The following LINGO2 variants were observed in gnomAD, a reference collection of about 807,000 sequenced individuals.
The protein encoded by LINGO2 is leucine rich repeat and Ig domain containing 2.
Under a neutral mutation model 30.6 loss-of-function variants are expected in LINGO2, and 14 were observed. The observed-to-expected ratio is 0.46, with a 90% CI of 0.30 to 0.72. The LOEUF (loss-of-function observed/expected upper bound fraction) is 0.72. LINGO2 is among the 30% of genes least tolerant of loss of function. The pLI is 0.07. For missense variants in LINGO2, 729 were observed against 751.7 expected, an observed-to-expected ratio of 0.97 and a Z score of 0.35; for synonymous variants, 317 against 288.5, an observed-to-expected ratio of 1.10 and a Z score of -1.00.
intron 5 of LINGO2, among the ~76,000 whole-genome samples, chr9:27,993,697 G>A (rs983471397): frequency 6.6e-6 from 1 of 152,040 alleles, no homozygotes; most frequent in African/African-American, 2.4e-5. Context: ...CTAAATATTT[G>A]TGTGCTAGTC....
At chr9:28,554,315 C>T (rs1428906780) in intron 1 of LINGO2, among the ~76,000 whole-genome samples, 2 of 148,824 alleles carry the variant, frequency 1.3e-5, no homozygotes, top group Non-Finnish European at 3.0e-5. Context: ...TCTACCAAGC[C>T]AATGGAAAAC....
intron 5 of LINGO2, among the ~76,000 whole-genome samples, chr9:27,970,616 C>A (rs1306591377): frequency 1.3e-5 from 2 of 152,054 alleles, no homozygotes; most frequent in African/African-American, 4.8e-5. Flanking sequence ...AAGAGTGATG[C>A]TTATGAAGTC....
intron 1 of LINGO2, among the ~76,000 whole-genome samples, chr9:28,522,608 G>A (rs1348414122): frequency 1.3e-5 from 2 of 151,704 alleles, no homozygotes; most frequent in Admixed American, 1.3e-4. Context: ...TTATACAAAA[G>A]GAATATATGC....
At chr9:29,028,460 CAG>C in the LINGO2 span, among the ~76,000 whole-genome samples, 16 of 146,450 alleles carry the variant, frequency 1.1e-4, no homozygotes, top group Non-Finnish European at 1.6e-4. Context: ...CAGAGAGAGA[CAG>C]AGAGAGAGAG....
chr9:28,991,214 G>A, the LINGO2 span, among the ~76,000 whole-genome samples: 1 of 151,974 alleles, frequency 6.6e-6, no homozygotes, highest in South Asian at 2.1e-4. Flanking sequence ...ACTACGTGAA[G>A]AATGCAGAAG....
chr9:28,123,856 T>C (rs575895902), intron 4 of LINGO2, among the ~76,000 whole-genome samples: 3 of 152,076 alleles, frequency 2.0e-5, no homozygotes, highest in South Asian at 2.1e-4. Context: ...TCAGTAGAGA[T>C]GGGGTTTCAC....
chr9:28,245,716 C>A (rs1821972714), intron 4 of LINGO2, among the ~76,000 whole-genome samples: 1 of 150,668 alleles, frequency 6.6e-6, no homozygotes, highest in Non-Finnish European at 1.5e-5. Context: ...GAATAAAATA[C>A]CTAGGAATAT....
chr9:29,212,603 A>T, the LINGO2 span, among the ~76,000 whole-genome samples: 29 of 128,916 alleles, frequency 2.2e-4, 1 homozygote, highest in African/African-American at 4.0e-4. Flanking sequence ...TAAAAATTTA[A>T]AAAAAAAACC....
the LINGO2 span, among the ~76,000 whole-genome samples, chr9:28,971,000 G>C: frequency 6.6e-6 from 1 of 152,156 alleles, no homozygotes; most frequent in African/African-American, 2.4e-5. Context: ...GGAGAGGAAA[G>C]GGAAGAGTGC....
chr9:28,162,802 G>C (rs370217934), intron 4 of LINGO2, among the ~76,000 whole-genome samples: 1 of 152,050 alleles, frequency 6.6e-6, no homozygotes, highest in Admixed American at 6.6e-5. Context: ...GACTTAACTT[G>C]GACATGATTG....
At chr9:28,201,411 T>C (rs904930450) in intron 4 of LINGO2, among the ~76,000 whole-genome samples, 3 of 143,590 alleles carry the variant, frequency 2.1e-5, no homozygotes, top group Non-Finnish European at 4.6e-5. Flanking sequence ...CATGAACTCA[T>C]CATTTTTTAT....
chr9:28,350,479 G>A (rs1245948401), intron 3 of LINGO2, among the ~76,000 whole-genome samples: 2 of 149,064 alleles, frequency 1.3e-5, no homozygotes, highest in African/African-American at 2.5e-5. Flanking sequence ...ACCCAATACA[G>A]GAGCACCAAG....
At chr9:29,008,591 G>A in the LINGO2 span, among the ~76,000 whole-genome samples, 1 of 152,116 alleles carries the variant, frequency 6.6e-6, no homozygotes, top group Admixed American at 6.6e-5. Flanking sequence ...AGCACCTGTT[G>A]TTTCCTGACT....
chr9:27,988,458 T>C (rs1045790783), intron 5 of LINGO2, among the ~76,000 whole-genome samples: 2 of 152,010 alleles, frequency 1.3e-5, no homozygotes, highest in Non-Finnish European at 2.9e-5. Context: ...TAGCTTACAG[T>C]CCCACCAACA....
At chr9:28,091,886 G>A (rs1422207428) in intron 4 of LINGO2, among the ~76,000 whole-genome samples, 2 of 152,058 alleles carry the variant, frequency 1.3e-5, no homozygotes, top group African/African-American at 4.8e-5. Context: ...GTGGGTGAAG[G>A]ATATGAACAG....
At chr9:28,381,294 G>A (rs1821347173) in intron 2 of LINGO2, among the ~76,000 whole-genome samples, 1 of 152,076 alleles carries the variant, frequency 6.6e-6, no homozygotes, top group African/African-American at 2.4e-5. Flanking sequence ...TAGAAATAGG[G>A]AAAAGCTGTG....
intron 4 of LINGO2, among the ~76,000 whole-genome samples, chr9:28,025,659 G>A (rs1426748309): frequency 2.0e-5 from 3 of 152,142 alleles, no homozygotes; most frequent in African/African-American, 7.2e-5. Flanking sequence ...ATGGTTGGAG[G>A]CCAGTTTAAA....
intron 2 of LINGO2, among the ~76,000 whole-genome samples, chr9:28,385,281 T>G (rs1821533754): frequency 6.6e-6 from 1 of 152,176 alleles, no homozygotes; most frequent in Non-Finnish European, 1.5e-5. Flanking sequence ...CCAGCTCTGC[T>G]CCTTCTGTAA....
At chr9:28,913,437 G>A in the LINGO2 span, among the ~76,000 whole-genome samples, 11 of 152,162 alleles carry the variant, frequency 7.2e-5, no homozygotes, top group African/African-American at 2.6e-4. Flanking sequence ...AATGAAATTA[G>A]TACTGTTGCA....
Sources: allele counts gnomAD v4.1 joint callset (sites outside exome capture counted in the v4.1 genomes callset), GRCh38; gene constraint gnomAD v4.1.1; transcripts MANE v1.5; gene names NCBI Gene and HGNC (gene_info 2026-07-23, HGNC 2026-07-21).